NAALADL2: variants seen among roughly 807,000 people sequenced by gnomAD.
NAALADL2 encodes the protein N-acetylated alpha-linked acidic dipeptidase like 2.
Under a neutral mutation model 87.2 loss-of-function variants are expected in NAALADL2, and 76 were observed. The ratio of observed to expected loss-of-function variants is 0.87; its 90% CI spans 0.72 to 1.05. NAALADL2 has a LOEUF of 1.05. Ranked by LOEUF, NAALADL2 falls within the 50% of genes least tolerant of loss-of-function variation. NAALADL2 has a pLI of 0.00. For missense variants in NAALADL2, 1,089 were observed against 945.8 expected (o/e 1.15, Z -1.99); for synonymous variants, 354 against 331.0 (o/e 1.07, Z -0.75).
intron 9 of NAALADL2, among the ~76,000 whole-genome samples, chr3:175,504,284 ATTAG>A (rs1268813546): frequency 2.6e-5 from 4 of 152,164 alleles, no homozygotes; most frequent in African/African-American, 9.7e-5. Context: ...TGATGCTGGA[ATTAG>A]TTAAGAATTT....
At chr3:174,479,646 A>T (rs1269793885) in intron 1 of NAALADL2, among the ~76,000 whole-genome samples, 1 of 152,154 alleles carries the variant, frequency 6.6e-6, no homozygotes, top group Non-Finnish European at 1.5e-5. Flanking sequence ...ATTTTCTAGC[A>T]TAAAGTTATT....
chr3:174,832,023 C>T (rs1046918378), intron 3 of NAALADL2, among the ~76,000 whole-genome samples: 42 of 151,956 alleles, frequency 2.8e-4, no homozygotes, highest in African/African-American at 7.2e-4. Context: ...GTCTTGCTAG[C>T]GGTCTATCAA....
intron 2 of NAALADL2, among the ~76,000 whole-genome samples, chr3:174,608,275 A>G (rs1473524294): frequency 6.6e-6 from 1 of 152,160 alleles, no homozygotes; most frequent in Admixed American, 6.5e-5. Context: ...GCAAGAGCAA[A>G]AGCATTCAGA....
At chr3:175,493,798 C>A (rs997820972) in intron 9 of NAALADL2, among the ~76,000 whole-genome samples, 3 of 152,020 alleles carry the variant, frequency 2.0e-5, no homozygotes, top group Admixed American at 2.0e-4. Flanking sequence ...TTTTTGGATG[C>A]CTTATTAAAA....
chr3:175,769,265 C>T (rs1749157262), intron 13 of NAALADL2, among the ~76,000 whole-genome samples: 1 of 152,190 alleles, frequency 6.6e-6, no homozygotes, highest in Non-Finnish European at 1.5e-5. Context: ...AAATATCAAC[C>T]TTACCCTTTG....
At chr3:175,666,450 A>G (rs574278142) in intron 11 of NAALADL2, among the ~76,000 whole-genome samples, 17 of 152,282 alleles carry the variant, frequency 1.1e-4, no homozygotes, top group East Asian at 1.9e-4. Context: ...TATAGAGACA[A>G]TGTTTTCCAA....
chr3:175,266,829 C>G (rs1267827685), intron 4 of NAALADL2, among the ~76,000 whole-genome samples: 1 of 151,600 alleles, frequency 6.6e-6, no homozygotes, highest in Non-Finnish European at 1.5e-5. Flanking sequence ...AATAGCATAT[C>G]AATAATTAAA....
intron 1 of NAALADL2, among the ~76,000 whole-genome samples, chr3:174,956,156 CAGA>C (rs1277062558): frequency 4.6e-5 from 7 of 151,954 alleles, no homozygotes; most frequent in Non-Finnish European, 1.0e-4. Flanking sequence ...AAGTCAGTTG[CAGA>C]AGATCACAAC....
At chr3:175,663,060 G>C (rs1432720646) in intron 11 of NAALADL2, among the ~76,000 whole-genome samples, 1 of 151,712 alleles carries the variant, frequency 6.6e-6, no homozygotes, top group Non-Finnish European at 1.5e-5. Context: ...TTTAATTTTT[G>C]AGATACTTTG....
intron 9 of NAALADL2, among the ~76,000 whole-genome samples, chr3:175,557,509 T>A (rs1055106585): frequency 0.01 from 13 of 1,294 alleles, no homozygotes; most frequent in Non-Finnish European, 0.032. Flanking sequence ...TTTCTAACTA[T>A]TTTTTTTGTA....
chr3:175,153,039 A>T (rs946152099), intron 2 of NAALADL2, among the ~76,000 whole-genome samples: 2 of 152,192 alleles, frequency 1.3e-5, no homozygotes, highest in South Asian at 2.1e-4. Flanking sequence ...TAACATTGAT[A>T]TGCATACCTA....
chr3:175,320,003 A>T (rs1202694744), intron 4 of NAALADL2, among the ~76,000 whole-genome samples: 2 of 152,216 alleles, frequency 1.3e-5, no homozygotes, highest in African/African-American at 4.8e-5. Context: ...TTAATACGCA[A>T]CATAAGCAGT....
At chr3:174,582,849 G>A (rs1716321917) in intron 2 of NAALADL2, among the ~76,000 whole-genome samples, 1 of 152,138 alleles carries the variant, frequency 6.6e-6, no homozygotes, top group Admixed American at 6.5e-5. Context: ...CTCCCAAAGT[G>A]CTGGAATTAT....
chr3:174,945,659 A>G (rs565738519), intron 1 of NAALADL2, among the ~76,000 whole-genome samples: 11 of 152,128 alleles, frequency 7.2e-5, no homozygotes, highest in Non-Finnish European at 1.5e-4. Flanking sequence ...TAATTGGGAA[A>G]CCTATATTAA....
At chr3:175,456,634 A>G (rs1335672319) in intron 6 of NAALADL2, among the ~76,000 whole-genome samples, 1 of 152,098 alleles carries the variant, frequency 6.6e-6, no homozygotes, top group African/African-American at 2.4e-5. Context: ...AGCAAATTAC[A>G]AACATAGTGA....
At chr3:175,461,941 A>G (rs1200718178) in intron 6 of NAALADL2, among the ~76,000 whole-genome samples, 1 of 152,086 alleles carries the variant, frequency 6.6e-6, no homozygotes, top group Non-Finnish European at 1.5e-5. Flanking sequence ...GTTTCTGGGG[A>G]GAGAGGGAGG....
At chr3:175,802,464 A>G (rs1416335394) in intron 13 of NAALADL2, among the ~76,000 whole-genome samples, 5 of 151,264 alleles carry the variant, frequency 3.3e-5, no homozygotes, top group African/African-American at 4.9e-5. Flanking sequence ...CCTACAATAC[A>G]CAAGGCAGCC....
intron 2 of NAALADL2, among the ~76,000 whole-genome samples, chr3:175,206,143 A>T (rs981742143): frequency 2.6e-5 from 4 of 151,292 alleles, no homozygotes; most frequent in Admixed American, 2.6e-4. Flanking sequence ...AGATACTTGC[A>T]CATGCATGCT....
At chr3:175,719,382 T>TA (rs5854652) in intron 11 of NAALADL2, among the ~76,000 whole-genome samples, 26,281 of 145,304 alleles carry the variant, frequency 0.18, 2,338 homozygotes, top group South Asian at 0.29. Context: ...TAAAGTATAA[T>TA]AAAAAAAAAA....
Sources: allele counts gnomAD v4.1 joint callset (sites outside exome capture counted in the v4.1 genomes callset), GRCh38; gene constraint gnomAD v4.1.1; transcripts MANE v1.5; gene names NCBI Gene and HGNC (gene_info 2026-07-23, HGNC 2026-07-21).